The following RNF212B variants were observed in gnomAD, a reference collection of about 807,000 sequenced individuals.
RNF212B encodes E3 ubiquitin-protein ligase RNF212B.
In RNF212B, 52 loss-of-function variants were observed where a neutral mutation model predicts 55.5. The observed-to-expected ratio is 0.94, with a 90% CI of 0.75 to 1.18. RNF212B has a LOEUF of 1.18. Ranked by LOEUF, RNF212B falls within the 50% of genes most tolerant of loss-of-function variation. The probability of loss-of-function intolerance (pLI) is 0.00; values close to 1 mark genes in which losing one functional copy is unlikely to be tolerated. For missense variants in RNF212B, 289 were observed against 350.4 expected, an observed-to-expected ratio of 0.82 and a Z score of 1.40; for synonymous variants, 99 against 121.4, an observed-to-expected ratio of 0.82 and a Z score of 1.21.
intron 1 of RNF212B, among the ~76,000 whole-genome samples, 88 bp downstream of exon 1, chr14:23,238,143 G>A (rs995070731): frequency 6.6e-6 from 1 of 152,176 alleles, no homozygotes; most frequent in African/African-American, 2.4e-5. Flanking sequence ...TTTGCCCTCA[G>A]GGTCGCCTTA....
At chr14:23,266,142 A>G (rs1885674736) in intron 11 of RNF212B, among the ~76,000 whole-genome samples, 1 of 151,848 alleles carries the variant, frequency 6.6e-6, no homozygotes, top group African/African-American at 2.4e-5. Context: ...TATTTTTAGT[A>G]GCGACGGGGT....
At chr14:23,258,469 T>C in intron 4 of RNF212B, 80 bp from the exon 5 acceptor site, 1 of 628,322 alleles carries the variant, frequency 1.6e-6, no homozygotes, top group Non-Finnish European at 2.7e-6. Context: ...AAGTGTGATT[T>C]GATGGCTTCC....
intron 2 of RNF212B, among the ~76,000 whole-genome samples, chr14:23,205,849 A>G (rs1358355929): frequency 6.6e-6 from 1 of 152,224 alleles, no homozygotes; most frequent in Non-Finnish European, 1.5e-5. Flanking sequence ...TTACACAAGC[A>G]TAGATCATTC....
intron 4 of RNF212B, among the ~76,000 whole-genome samples, chr14:23,248,613 TG>T (rs1884179538): frequency 6.6e-6 from 1 of 151,936 alleles, no homozygotes; most frequent in Non-Finnish European, 1.5e-5. Flanking sequence ...GGCTAATTTT[TG>T]TATTTTTAAT....
chr14:23,264,736 G>T, intron 11 of RNF212B, 65 bp downstream of exon 11: 1 of 1,003,266 alleles, frequency 1.0e-6, no homozygotes, highest in Non-Finnish European at 1.3e-6. Flanking sequence ...CGGATTTCTG[G>T]TTTTCTATGC....
chr14:23,233,003 T>A (rs540005681), upstream of RNF212B, among the ~76,000 whole-genome samples: 22 of 152,308 alleles, frequency 1.4e-4, no homozygotes, highest in Non-Finnish European at 2.4e-4. Context: ...GAAATCAGAT[T>A]GTTGCTGTGT....
upstream of RNF212B, among the ~76,000 whole-genome samples, chr14:23,233,645 G>C (rs1882890561): frequency 6.7e-6 from 1 of 148,466 alleles, no homozygotes; most frequent in South Asian, 2.2e-4. Flanking sequence ...GGGAGGCTGA[G>C]TTAGGGGAAT....
In RNF212B at chr14:23,238,780, A is replaced by AATAATC. The variant is rs1343117592; in HGVS notation, c.-2+727_-2+728insAATCAT. Among the ~76,000 whole-genome samples the AATAATC allele has an allele frequency of 1.2e-4, 18 of 145,686 alleles. No homozygotes were observed. The East Asian group carries it at 3.2e-3, about 26-fold the overall frequency. The stretch of plus-strand genomic sequence containing the variant: ...TAATAATAATAATAATAATAATAAT[A>AATAATC]ATCCCACAAAGAAACCTTACAAAGT... On this transcript the variant is annotated intron_variant, in intron 1 of 14. Transcript: ENST00000430154.
Position 23,248,310 on chromosome 14 carries a change from T to A in RNF212B, c.228+3914T>A, listed in dbSNP as rs914943117. ...ACCTGGCTAGTTTTTGTGTTTTTTT[T>A]TTTTTAATAGATACAGGGTTTTACC... On this transcript the variant is annotated intron_variant, in intron 4 of 14. Transcript: ENST00000430154. Among the ~76,000 whole-genome samples, 6 of 151,634 alleles carry A rather than the reference T, an allele frequency of 4.0e-5. No homozygotes were observed. In the South Asian group the frequency reaches 1.0e-3, roughly 27 times the overall value.
At chr14:23,243,421 C>T (rs1235418090) in intron 3 of RNF212B, 113 bp downstream of exon 3, 4 of 1,006,152 alleles carry the variant, frequency 4.0e-6, no homozygotes, top group Middle Eastern at 2.1e-4. Context: ...GAAGACCGGG[C>T]GTGGTGGCTC....
intron 2 of RNF212B, among the ~76,000 whole-genome samples, chr14:23,194,349 G>A (rs1878429320): frequency 6.6e-6 from 1 of 151,980 alleles, no homozygotes; most frequent in Non-Finnish European, 1.5e-5. Context: ...CTAAAAATAA[G>A]GCTTGAAATA....
intron 2 of RNF212B, among the ~76,000 whole-genome samples, chr14:23,194,660 G>A (rs565692044): frequency 4.7e-5 from 7 of 149,800 alleles, no homozygotes; most frequent in South Asian, 2.1e-4. Flanking sequence ...GCATGAGCCC[G>A]GGAGATGGAG....
At chr14:23,199,034 C>T (rs1332330932) in intron 2 of RNF212B, among the ~76,000 whole-genome samples, 1 of 152,062 alleles carries the variant, frequency 6.6e-6, no homozygotes, top group Non-Finnish European at 1.5e-5. Context: ...AATGACACCC[C>T]CATAGCAATG....
intron 2 of RNF212B, among the ~76,000 whole-genome samples, chr14:23,223,296 T>G (rs995087290): frequency 6.6e-6 from 1 of 151,368 alleles, no homozygotes; most frequent in East Asian, 1.9e-4. Context: ...CTCAATATAA[T>G]AAAAGCCACA....
chr14:23,252,065 C>T (rs950860964), intron 4 of RNF212B, among the ~76,000 whole-genome samples: 1 of 148,516 alleles, frequency 6.7e-6, no homozygotes. Context: ...TCTCTAGCCC[C>T]TTTTCCCTCT....
At chr14:23,208,491 C>A (rs1336537104) in intron 2 of RNF212B, among the ~76,000 whole-genome samples, 1 of 151,940 alleles carries the variant, frequency 6.6e-6, no homozygotes, top group Admixed American at 6.6e-5. Context: ...GAGATCCTAT[C>A]TCTAAAAAAA....
At chr14:23,222,011 G>T (rs1881616535) in intron 2 of RNF212B, among the ~76,000 whole-genome samples, 1 of 152,084 alleles carries the variant, frequency 6.6e-6, no homozygotes, top group Non-Finnish European at 1.5e-5. Context: ...GAAATGTATA[G>T]CTATAAGTGT....
chr14:23,220,560 T>C (rs897389684), intron 2 of RNF212B, among the ~76,000 whole-genome samples: 5 of 144,492 alleles, frequency 3.5e-5, no homozygotes, highest in African/African-American at 1.3e-4. Context: ...GCTCGGTGGC[T>C]CACGCCTGTA....
Position 23,269,085 on chromosome 14 carries a change from A to C in RNF212B, c.674+122A>C. On this transcript the variant is annotated intron_variant, in intron 12 of 14. Coordinates refer to ENST00000430154, the MANE Select transcript of RNF212B (RefSeq NM_001282322.3). Reference sequence around the variant, plus strand: ...TTTGGGAGGCCGAGGAGGGTGGATCACTTGAGGTCAGGAGTTTGAGACCAG... The same window carrying C: ...TTTGGGAGGCCGAGGAGGGTGGATCCCTTGAGGTCAGGAGTTTGAGACCAG... 3 of 731,444 alleles carry C rather than the reference A, an allele frequency of 4.1e-6. No individual in the cohort carries two copies. The South Asian group carries it at 5.0e-5, about 12-fold the overall frequency. The allele number at this position is 731,444 out of a possible 1,614,324, so 45.3% of individuals were successfully genotyped here.
Sources: gnomAD v4.1 joint callset for allele counts (sites outside exome capture counted in the v4.1 genomes callset) on GRCh38, gnomAD v4.1.1 for gene constraint, MANE v1.5 for transcripts, NCBI Gene and HGNC (gene_info 2026-07-23, HGNC 2026-07-21) for gene names.